Variants in GPC5 observed in about 807,000 individuals in gnomAD.
GPC5 encodes the protein glypican-5.
A neutral mutation model predicts 53.9 loss-of-function variants in GPC5; 47 were observed. The observed-to-expected ratio is 0.87, with a 90% CI of 0.69 to 1.11. The LOEUF (loss-of-function observed/expected upper bound fraction) is 1.11. GPC5 is among the 50% of genes most tolerant of loss of function. GPC5 has a pLI of 0.00. For synonymous variants in GPC5, 286 were observed against 263.3 expected, an observed-to-expected ratio of 1.09 and a Z score of -0.84; for missense variants, 748 against 713.1, an observed-to-expected ratio of 1.05 and a Z score of -0.56.
intron 5 of GPC5, among the ~76,000 whole-genome samples, chr13:91,837,182 A>T (rs1473894670): frequency 6.6e-6 from 1 of 151,810 alleles, no homozygotes; most frequent in Non-Finnish European, 1.5e-5. Context: ...AATAAATCAA[A>T]TTAATATCTA....
chr13:92,219,652 T>C (rs1222232603), intron 7 of GPC5, among the ~76,000 whole-genome samples: 1 of 152,150 alleles, frequency 6.6e-6, no homozygotes, highest in East Asian at 1.9e-4. Context: ...AAGTCTTCAT[T>C]TGCATAGGAG....
At chr13:92,246,641 C>G (rs1159996726) in intron 7 of GPC5, among the ~76,000 whole-genome samples, 1 of 152,054 alleles carries the variant, frequency 6.6e-6, no homozygotes, top group African/African-American at 2.4e-5. Flanking sequence ...AGGGGTCAGC[C>G]CTTCATATGT....
At chr13:91,776,237 A>T (rs2037709475) in intron 5 of GPC5, among the ~76,000 whole-genome samples, 1 of 152,162 alleles carries the variant, frequency 6.6e-6, no homozygotes, top group African/African-American at 2.4e-5. Context: ...CCTCAGTAGA[A>T]GCACACTTCT....
intron 2 of GPC5, among the ~76,000 whole-genome samples, chr13:91,562,188 T>TAAAAAAAAAAAAA (rs10603242): frequency 2.2e-5 from 1 of 45,056 alleles, no homozygotes; most frequent in African/African-American, 8.5e-5. Context: ...GGAGCAACAG[T>TAAAAAAAAAAAAA]AAAAAAAAAA....
chr13:92,123,409 A>G (rs2041667329), intron 6 of GPC5, among the ~76,000 whole-genome samples: 2 of 152,120 alleles, frequency 1.3e-5, no homozygotes, highest in African/African-American at 4.8e-5. Flanking sequence ...AATTTTGGAG[A>G]CTGACTTTAA....
intron 6 of GPC5, among the ~76,000 whole-genome samples, chr13:92,108,736 T>C (rs2041529073): frequency 6.6e-6 from 1 of 152,212 alleles, no homozygotes; most frequent in Admixed American, 6.5e-5. Context: ...AACATATTTC[T>C]ACTTTGGATC....
chr13:91,566,420 C>T (rs548210903), intron 2 of GPC5, among the ~76,000 whole-genome samples: 11 of 152,002 alleles, frequency 7.2e-5, no homozygotes, highest in African/African-American at 2.2e-4. Flanking sequence ...AAAAATTAGC[C>T]GGGCGTGGTG....
At chr13:92,609,640 CA>C (rs1360630964) in intron 7 of GPC5, among the ~76,000 whole-genome samples, 1 of 152,116 alleles carries the variant, frequency 6.6e-6, no homozygotes, top group Non-Finnish European at 1.5e-5. Context: ...TTATGAGGCA[CA>C]AGCAGCTAAT....
At position 92,161,039 on chromosome 13, in the gene GPC5, GTTTT is replaced by G. The variant is rs144315494; in HGVS notation, c.1561+16063_1561+16066del. ...TAGTTTCTGTGGCTCGCTCAAAAGTGTTTTTTTTTTTTTTTTATGAGTTGTACTA... is the reference window on the plus strand; with the variant it reads ...TAGTTTCTGTGGCTCGCTCAAAAGTGTTTTTTTTTTTTATGAGTTGTACTA... On this transcript the variant is annotated intron_variant, in intron 7 of 7. Transcript: ENST00000377067. 5.5e-4 allele frequency among the ~76,000 whole-genome samples: 79 copies of G among 142,756 alleles called. 1 individual carries two copies. The highest frequency in any genetic ancestry group is 1.5e-3 in the Admixed American group (21 of 14,438). 93.7% of individuals were successfully genotyped at this position (142,756 alleles called of 152,430 possible).
chr13:92,339,378 C>T (rs973216683), intron 7 of GPC5, among the ~76,000 whole-genome samples: 1 of 151,800 alleles, frequency 6.6e-6, no homozygotes, highest in African/African-American at 2.4e-5. Flanking sequence ...ATAAGAATGC[C>T]TTGTGTATTT....
chr13:92,722,863 C>T (rs770342819), intron 7 of GPC5, among the ~76,000 whole-genome samples: 10 of 151,828 alleles, frequency 6.6e-5, no homozygotes, highest in Non-Finnish European at 1.0e-4. Flanking sequence ...AGATTACTTG[C>T]CATTTTGAAG....
At chr13:92,024,036 G>T (rs1239543125) in intron 6 of GPC5, among the ~76,000 whole-genome samples, 1 of 151,992 alleles carries the variant, frequency 6.6e-6, no homozygotes, top group Non-Finnish European at 1.5e-5. Flanking sequence ...ATTTACACAG[G>T]ATTATATGTG....
At chr13:92,140,747 G>C (rs1321495902) in intron 6 of GPC5, among the ~76,000 whole-genome samples, 2 of 152,178 alleles carry the variant, frequency 1.3e-5, no homozygotes, top group Non-Finnish European at 2.9e-5. Context: ...AGAGACTAAT[G>C]GCCCCTGTAA....
intron 2 of GPC5, among the ~76,000 whole-genome samples, chr13:91,597,706 T>C (rs946781221): frequency 7.2e-5 from 11 of 152,188 alleles, no homozygotes; most frequent in African/African-American, 2.2e-4. Context: ...AGAAACTGCA[T>C]TCCTAATTCC....
At chr13:92,134,376 A>G (rs1320725304) in intron 6 of GPC5, among the ~76,000 whole-genome samples, 2 of 152,184 alleles carry the variant, frequency 1.3e-5, no homozygotes, top group African/African-American at 4.8e-5. Context: ...GCCACGAAGA[A>G]CTGTACATTT....
chr13:92,708,885 T>TTTTTTTTTTTTC (rs1888039067), intron 7 of GPC5, among the ~76,000 whole-genome samples: 1 of 109,016 alleles, frequency 9.2e-6, no homozygotes, highest in Non-Finnish European at 1.9e-5. Context: ...TTTTTTTTTT[T>TTTTTTTTTTTTC]TTTTTTTTTT....
chr13:91,770,234 G>T (rs2037597214), intron 5 of GPC5, among the ~76,000 whole-genome samples: 1 of 152,130 alleles, frequency 6.6e-6, no homozygotes, highest in East Asian at 1.9e-4. Flanking sequence ...CTCTGGGCAT[G>T]CCATCCTCCC....
chr13:91,575,516 C>A (rs921178288), intron 2 of GPC5, among the ~76,000 whole-genome samples: 1 of 152,030 alleles, frequency 6.6e-6, no homozygotes, highest in African/African-American at 2.4e-5. Flanking sequence ...GAAAGTATTA[C>A]CCTTTAGCTA....
intron 5 of GPC5, among the ~76,000 whole-genome samples, chr13:91,793,277 A>G (rs1181238480): frequency 1.3e-5 from 2 of 152,108 alleles, no homozygotes; most frequent in African/African-American, 4.8e-5. Context: ...CTTATTCACT[A>G]TCACAAGAAC....
Sources: allele counts gnomAD v4.1 joint callset (sites outside exome capture counted in the v4.1 genomes callset), GRCh38; gene constraint gnomAD v4.1.1; transcripts MANE v1.5; gene names NCBI Gene and HGNC (gene_info 2026-07-23, HGNC 2026-07-21).